Variants in GSDME observed in about 807,000 individuals in gnomAD.
The protein encoded by GSDME is gasdermin E.
GSDME carries 44 observed loss-of-function variants against 47.5 expected under a neutral mutation model. That is an observed-to-expected ratio of 0.93 (90% CI 0.73 to 1.19). The LOEUF (loss-of-function observed/expected upper bound fraction) is 1.19, where lower values mean the gene tolerates loss of function less well. GSDME is among the 50% of genes most tolerant of loss of function. The pLI is 0.00. For missense variants in GSDME, 663 were observed against 604.2 expected (o/e 1.10, Z -1.02); for synonymous variants, 258 against 252.8 (o/e 1.02, Z -0.20).
At chr7:24,794,616 C>T in the GSDME span, among the ~76,000 whole-genome samples, 1 of 152,186 alleles carries the variant, frequency 6.6e-6, no homozygotes, top group Non-Finnish European at 1.5e-5. Flanking sequence ...TGATGGCCAT[C>T]CCACCTCTAA....
At chr7:24,701,572 T>C (rs771022146) in intron 9 of GSDME, among the ~76,000 whole-genome samples, 1 of 152,140 alleles carries the variant, frequency 6.6e-6, no homozygotes, top group Non-Finnish European at 1.5e-5. Flanking sequence ...ACTAACTTAG[T>C]AAATGCTGAG....
At position 24,708,259 on chromosome 7, in the gene GSDME, G is replaced by A. The variant is rs746762425; in HGVS notation, c.863-5C>T. On this transcript the variant is annotated splice_region_variant and splice_polypyrimidine_tract_variant and intron_variant, in intron 6 of 9. Transcript: ENST00000645220. Reference sequence around the variant, plus strand: ...TCCTCTCCAGGAGCAGGGTCGCTGTGAAAACAAAGCACACCCAAGTCTCAT... The same window carrying A: ...TCCTCTCCAGGAGCAGGGTCGCTGTAAAAACAAAGCACACCCAAGTCTCAT... The A allele has an allele frequency of 2.5e-6, 4 of 1,613,852 alleles. No homozygotes were observed. In the African/African-American group the frequency reaches 4.0e-5, roughly 16 times the overall value.
chr7:24,782,516 A>G, the GSDME span, among the ~76,000 whole-genome samples: 2 of 152,186 alleles, frequency 1.3e-5, no homozygotes, highest in South Asian at 2.1e-4. Context: ...GAGTAGTGCC[A>G]CAATAAACAT....
At position 24,719,135 on chromosome 7, in the gene GSDME, G is replaced by A. The variant is rs1789680416; in HGVS notation, c.488C>T (p.Thr163Met). Residue 163 changes from threonine to methionine, a missense_variant, in exon 4 of 10, where the codon ACG becomes ATG. Thr to Met is a moderately conservative substitution (Grantham distance 81). Coordinates refer to ENST00000645220, the MANE Select transcript of GSDME (RefSeq NM_001127453.2). The stretch of plus-strand genomic sequence containing the variant: ...AGAGATCACACACTTCTGCATCGTC[G>A]TGATCTTCTGTGTCAAAACGCACAG... ...EVLCVLTQKITTMQKCVISEH... is the reference protein window; with the variant it reads ...EVLCVLTQKIMTMQKCVISEH... 10 of 1,613,906 alleles carry A rather than the reference G, an allele frequency of 6.2e-6. No individual in the cohort carries two copies. The highest frequency in any genetic ancestry group is 8.5e-6 in the Non-Finnish European group (10 of 1,180,020).
chr7:24,729,947 A>G (rs1790090862), intron 3 of GSDME, among the ~76,000 whole-genome samples: 1 of 152,196 alleles, frequency 6.6e-6, no homozygotes, highest in South Asian at 2.1e-4. Context: ...TCCCAGAGAA[A>G]CTGTCATGAG....
intron 6 of GSDME, among the ~76,000 whole-genome samples, chr7:24,708,666 C>A (rs1218473555): frequency 1.3e-5 from 2 of 152,224 alleles, no homozygotes; most frequent in Non-Finnish European, 2.9e-5. Flanking sequence ...TTCCAAAATA[C>A]ATTATTTTTC....
At chr7:24,751,823 C>T (rs1790869094) in intron 1 of GSDME, among the ~76,000 whole-genome samples, 1 of 152,174 alleles carries the variant, frequency 6.6e-6, no homozygotes, top group African/African-American at 2.4e-5. Flanking sequence ...TGTGTTGAAG[C>T]ACTTAGGATA....
chr7:24,758,038 GCT>G (rs1221197945), upstream of GSDME: 1 of 152,282 alleles, frequency 6.6e-6, no homozygotes, highest in Non-Finnish European at 1.5e-5. The surrounding 1 kb of genome is among the most constrained non-coding windows in gnomAD (Gnocchi z 4.6). Context: ...AAAACCAGGC[GCT>G]CTCACACACT....
the GSDME span, among the ~76,000 whole-genome samples, chr7:24,779,294 G>A: frequency 1.3e-5 from 2 of 152,190 alleles, no homozygotes; most frequent in Non-Finnish European, 2.9e-5. This position sits in a 1 kb window ranked among gnomAD's most constrained non-coding sequence, Gnocchi z 6.0. Context: ...CTGCAGAATG[G>A]CAAAGGCAGA....
rs1790646866 is a variant in GSDME at position 24,745,752 on chromosome 7, C to G, written c.212-998G>C. On this transcript the variant is annotated intron_variant, in intron 2 of 9. Coordinates refer to ENST00000645220, the MANE Select transcript of GSDME (RefSeq NM_001127453.2). The surrounding 1 kb of genome is among the most constrained non-coding windows in gnomAD (Gnocchi z 4.4). The stretch of plus-strand genomic sequence containing the variant: ...ACCCTAGAGGCTGAGGTGAGAGGAT[C>G]ACCTGAACCCAGGAGTATAAGGTTA... Among the ~76,000 whole-genome samples the G allele has an allele frequency of 1.3e-5, 2 of 152,124 alleles. No individual in the cohort carries two copies. The highest frequency in any genetic ancestry group is 2.9e-5 in the Non-Finnish European group (2 of 68,022).
At chr7:24,704,676 TTA>T (rs1301262097) in intron 8 of GSDME, 1 of 152,054 alleles carries the variant, frequency 6.6e-6, no homozygotes, top group Non-Finnish European at 1.5e-5. Context: ...CAGTCTCACA[TTA>T]TGTGTCAACT....
At chr7:24,703,127 A>T (rs1788947830) in intron 8 of GSDME, 1 of 370,556 alleles carries the variant, frequency 2.7e-6, no homozygotes, top group Admixed American at 3.7e-5. Flanking sequence ...GAAAGGAAAC[A>T]GCATGGAAAA....
the GSDME span, among the ~76,000 whole-genome samples, chr7:24,772,809 T>C: frequency 6.6e-6 from 1 of 152,230 alleles, no homozygotes; most frequent in African/African-American, 2.4e-5. The surrounding 1 kb of genome is among the most constrained non-coding windows in gnomAD (Gnocchi z 4.5). Flanking sequence ...AAGGTATTTC[T>C]TTCTGACTGG....
the GSDME span, among the ~76,000 whole-genome samples, chr7:24,767,152 C>T: frequency 4.6e-5 from 7 of 152,166 alleles, no homozygotes; most frequent in African/African-American, 1.4e-4. This position sits in a 1 kb window ranked among gnomAD's most constrained non-coding sequence, Gnocchi z 5.3. Flanking sequence ...TGTGAAACCC[C>T]GTCTCTACTA....
At position 24,739,792 on chromosome 7, in the gene GSDME, T is replaced by TA. The variant is rs1358955881; in HGVS notation, c.404+4769dup. ...ACACGATAGAGTACTATTTAGTCAT[T>TA]AAAAAAAGAGTAAGATCCTGGGCTG... On this transcript the variant is annotated intron_variant, in intron 3 of 9. Coordinates refer to ENST00000645220, the MANE Select transcript of GSDME (RefSeq NM_001127453.2). The surrounding 1 kb of genome is among the most constrained non-coding windows in gnomAD (Gnocchi z 5.1). Among the ~76,000 whole-genome samples the TA allele has an allele frequency of 2.0e-5, 3 of 152,088 alleles. No homozygotes were observed. The highest frequency in any genetic ancestry group is 6.5e-5 in the Admixed American group (1 of 15,274).
intron 3 of GSDME, among the ~76,000 whole-genome samples, chr7:24,722,864 C>T (rs571764151): frequency 5.3e-5 from 8 of 152,344 alleles, no homozygotes; most frequent in South Asian, 2.1e-4. Flanking sequence ...AGTCCTGAGA[C>T]GCTTGCTGAG....
intron 3 of GSDME, among the ~76,000 whole-genome samples, chr7:24,719,495 AAAG>A (rs1789696249): frequency 6.6e-6 from 1 of 152,164 alleles, no homozygotes; most frequent in Admixed American, 6.5e-5. Context: ...AAGGAGAAGA[AAAG>A]AAAATCAACC....
chr7:24,706,601 C>G (rs1235571594), intron 7 of GSDME, among the ~76,000 whole-genome samples: 1 of 152,248 alleles, frequency 6.6e-6, no homozygotes, highest in African/African-American at 2.4e-5. Context: ...GGCGTACTTG[C>G]TGGAACTGTG....
chr7:24,760,943 G>T (rs1293720047), upstream of GSDME, among the ~76,000 whole-genome samples: 1 of 152,188 alleles, frequency 6.6e-6, no homozygotes, highest in African/African-American at 2.4e-5. The surrounding 1 kb of genome is among the most constrained non-coding windows in gnomAD (Gnocchi z 4.2). Flanking sequence ...AAATTACTTG[G>T]CAGCTAGCAA....
Sources: allele counts gnomAD v4.1 joint callset (sites outside exome capture counted in the v4.1 genomes callset), GRCh38; gene constraint gnomAD v4.1.1; non-coding constraint Gnocchi (gnomAD v3.1); transcripts MANE v1.5; gene names NCBI Gene and HGNC (gene_info 2026-07-23, HGNC 2026-07-21).